Variants in USP49 observed in about 807,000 individuals in gnomAD.
USP49 encodes ubiquitin specific peptidase 49.
Under a neutral mutation model 58.6 loss-of-function variants are expected in USP49, and 24 were observed. The observed-to-expected ratio is 0.41, with a 90% CI of 0.30 to 0.58. The LOEUF is 0.58. Among genes scored for constraint, USP49 ranks in the 20% least tolerant of loss-of-function variants. USP49 has a pLI of 0.30. For synonymous variants in USP49, 408 were observed against 365.1 expected (o/e 1.12, Z -1.34); for missense variants, 703 against 866.1 (o/e 0.81, Z 2.36).
chr6:41,886,463 C>T lies in USP49; in HGVS notation c.-103+5331G>A, dbSNP rs531395570. ...TTTTCTTACTTGATTTTCTTTGTTG[C>T]TACCTCCAATTTTTGTCAAGGAGAA... On this transcript the variant is annotated intron_variant, in intron 2 of 7. Transcript: ENST00000682992. 4 of 152,296 alleles carry T rather than the reference C, an allele frequency of 2.6e-5. 1 individual carries two copies. The highest frequency in any genetic ancestry group is 7.2e-5 in the African/African-American group (3 of 41,568). The allele number at this position is 152,296 out of a possible 1,614,324, so 9.4% of individuals were successfully genotyped here.
At chr6:41,810,403 T>G (rs1189499326) in intron 3 of USP49, among the ~76,000 whole-genome samples, 1 of 149,866 alleles carries the variant, frequency 6.7e-6, no homozygotes, top group African/African-American at 2.4e-5. Context: ...GGCAGAAGAA[T>G]TGCTTGAACC....
At chr6:41,849,624 T>G (rs1405979525) in intron 3 of USP49, among the ~76,000 whole-genome samples, 1 of 151,892 alleles carries the variant, frequency 6.6e-6, no homozygotes, top group Non-Finnish European at 1.5e-5. Context: ...TTTTTTTTTT[T>G]TGGAGACTGA....
intron 3 of USP49, among the ~76,000 whole-genome samples, chr6:41,810,261 A>G (rs969335091): frequency 6.6e-6 from 1 of 151,748 alleles, no homozygotes; most frequent in Non-Finnish European, 1.5e-5. Context: ...CAGGCGGATC[A>G]CCTGAGGTCA....
intron 2 of USP49, among the ~76,000 whole-genome samples, chr6:41,890,657 G>A (rs548445073): frequency 6.6e-6 from 1 of 152,190 alleles, no homozygotes; most frequent in East Asian, 1.9e-4. Context: ...GGGCAAAAGA[G>A]CAAGATTCTG....
chr6:41,877,305 G>A (rs1774519638), intron 2 of USP49, among the ~76,000 whole-genome samples: 1 of 152,164 alleles, frequency 6.6e-6, no homozygotes, highest in African/African-American at 2.4e-5. Context: ...AATCTAGGTG[G>A]TAAAAATGCT....
intron 3 of USP49, among the ~76,000 whole-genome samples, chr6:41,850,336 G>A (rs967630210): frequency 1.3e-5 from 2 of 151,604 alleles, no homozygotes; most frequent in Non-Finnish European, 2.9e-5. Flanking sequence ...CCAACTACTC[G>A]GGAGGCTGAG....
At chr6:41,847,753 G>A (rs1006207849) in intron 3 of USP49, among the ~76,000 whole-genome samples, 1 of 151,778 alleles carries the variant, frequency 6.6e-6, no homozygotes, top group Non-Finnish European at 1.5e-5. Flanking sequence ...AAAGGAAACA[G>A]ATTGGCAAAG....
In USP49 at chr6:41,796,363, A is replaced by G. The variant is rs548198039; in HGVS notation, c.*170T>C. On this transcript the variant is annotated 3_prime_UTR_variant, in exon 8 of 8. Coordinates refer to ENST00000682992, the MANE Select transcript of USP49 (RefSeq NM_001286554.2). Reference sequence around the variant, plus strand: ...GAGGGAACTCCCAAACTCATTCAAAAGAAAGAGACTATAAAATTTACGACA... The same window carrying G: ...GAGGGAACTCCCAAACTCATTCAAAGGAAAGAGACTATAAAATTTACGACA... 27 of 532,810 alleles carry G rather than the reference A, an allele frequency of 5.1e-5. No homozygotes were observed. In the South Asian group the frequency reaches 6.6e-4, roughly 13 times the overall value. 33.0% of individuals were successfully genotyped at this position (532,810 alleles called of 1,614,324 possible). A position where few individuals can be genotyped will look rare whatever the true frequency, so the allele number is the denominator to read the frequency against.
intron 3 of USP49, among the ~76,000 whole-genome samples, chr6:41,833,838 C>G (rs954747111): frequency 3.3e-5 from 5 of 152,220 alleles, no homozygotes; most frequent in African/African-American, 7.2e-5. Context: ...TTAACCTAGT[C>G]CACACTATTC....
intron 5 of USP49, 130 bp from the exon 6 acceptor site, chr6:41,800,068 G>A (rs1772970501): frequency 1.3e-6 from 1 of 747,298 alleles, no homozygotes; most frequent in Non-Finnish European, 2.3e-6. Context: ...TTTTTGGGGG[G>A]CGCAATGTGA....
At chr6:41,856,374 CAA>C (rs534562516) in intron 3 of USP49, among the ~76,000 whole-genome samples, 5 of 118,252 alleles carry the variant, frequency 4.2e-5, no homozygotes, top group Admixed American at 8.4e-5. Context: ...GACCCCGTCT[CAA>C]AAAAAAAAAA....
At chr6:41,885,455 A>G (rs1281319784) in intron 2 of USP49, among the ~76,000 whole-genome samples, 1 of 152,202 alleles carries the variant, frequency 6.6e-6, no homozygotes, top group Non-Finnish European at 1.5e-5. Context: ...ACAGCTGCCT[A>G]TAAGGCTCTA....
At chr6:41,832,582 G>GT (rs919548167) in intron 3 of USP49, among the ~76,000 whole-genome samples, 2 of 152,094 alleles carry the variant, frequency 1.3e-5, no homozygotes, top group Non-Finnish European at 2.9e-5. Flanking sequence ...ACTTAAACGT[G>GT]TTTTTTTCCA....
At chr6:41,890,932 T>C (rs1774800934) in intron 2 of USP49, among the ~76,000 whole-genome samples, 2 of 152,174 alleles carry the variant, frequency 1.3e-5, no homozygotes. Flanking sequence ...TGCAATGCAA[T>C]AAGGCATTTT....
At chr6:41,852,036 C>A (rs1165693565) in intron 3 of USP49, among the ~76,000 whole-genome samples, 3 of 150,880 alleles carry the variant, frequency 2.0e-5, no homozygotes, top group Admixed American at 6.6e-5. Context: ...ATAGAAAATC[C>A]TGGGCCGGGC....
At chr6:41,804,746 T>C (rs1773078620) in intron 4 of USP49, among the ~76,000 whole-genome samples, 1 of 152,080 alleles carries the variant, frequency 6.6e-6, no homozygotes. Flanking sequence ...CACGTTTTTT[T>C]GTTTGTTTTT....
intron 3 of USP49, among the ~76,000 whole-genome samples, chr6:41,840,984 G>T (rs1016488187): frequency 6.7e-6 from 1 of 150,230 alleles, no homozygotes; most frequent in Non-Finnish European, 1.5e-5. Flanking sequence ...CAGCCTGGGT[G>T]ACAGAGCAAG....
At chr6:41,826,106 A>T (rs903687689) in intron 3 of USP49, among the ~76,000 whole-genome samples, 17 of 152,154 alleles carry the variant, frequency 1.1e-4, no homozygotes, top group Admixed American at 6.6e-5. Flanking sequence ...TCTACAAAAA[A>T]TACAAAAAGT....
Position 41,805,965 on chromosome 6 carries a change from C to G in USP49, c.1019G>C (p.Arg340Pro). 1.2e-6 allele frequency: 2 copies of G among 1,613,872 alleles called. No individual in the cohort carries two copies. Among genetic ancestry groups the G allele is most frequent in the South Asian group, 2.2e-5 (2 of 91,078 alleles). The change falls in exon 4 of 8, where the codon CGG becomes CCG. Residue 340 changes from arginine (R) to proline (P), a missense_variant. Arg to Pro is a moderately radical substitution (Grantham distance 103). This residue lies in a region of USP49 where 97 missense variants were observed against 88.0 expected (regional missense o/e 1.10). Transcript: ENST00000682992. ...FCWNGRASIS[R>P]SLELIQNKEP... Reference sequence around the variant, plus strand: ...CTTGTTCTGGATGAGCTCCAGACTCCGACTAATGGAGGCCCTGCCGTTCCA... The same window carrying G: ...CTTGTTCTGGATGAGCTCCAGACTCGGACTAATGGAGGCCCTGCCGTTCCA...
Sources: allele counts gnomAD v4.1 joint callset (sites outside exome capture counted in the v4.1 genomes callset), GRCh38; gene constraint gnomAD v4.1.1; regional missense constraint gnomAD v4.1.1; transcripts MANE v1.5; gene names NCBI Gene and HGNC (gene_info 2026-07-23, HGNC 2026-07-21).